Variants in MCM3AP observed in about 807,000 individuals in gnomAD.
The protein encoded by MCM3AP is minichromosome maintenance complex component 3 associated protein, also known as germinal-center associated nuclear protein.
In MCM3AP, 126 loss-of-function variants were observed where a neutral mutation model predicts 184.1. The observed-to-expected ratio is 0.68, with a 90% confidence interval of 0.59 to 0.79. The LOEUF (loss-of-function observed/expected upper bound fraction) is 0.79. Ranked by LOEUF, MCM3AP falls within the 30% of genes least tolerant of loss-of-function variation. The pLI, the probability that MCM3AP is intolerant of heterozygous loss-of-function variation, is 0.00. For synonymous variants in MCM3AP, 1,002 were observed against 979.3 expected, an observed-to-expected ratio of 1.02 and a Z score of -0.43; for missense variants, 2,496 against 2,479.2, an observed-to-expected ratio of 1.01 and a Z score of -0.14.
Position 46,244,677 on chromosome 21 carries a change from G to A in MCM3AP, c.5038+130C>T. The A allele has an allele frequency of 1.0e-5, 10 of 971,466 alleles. No individual in the cohort carries two copies. In the South Asian group the frequency reaches 1.5e-4, roughly 14 times the overall value. The allele number at this position is 971,466 out of a possible 1,614,324, so 60.2% of individuals were successfully genotyped here. A position where few individuals can be genotyped will look rare whatever the true frequency, so the allele number is the denominator to read the frequency against. The stretch of plus-strand genomic sequence containing the variant: ...GGAAGGTGCAGGCGAGCACAGCATG[G>A]AGACACACGGAGGTGGACGTGCAGC... On this transcript the variant is annotated intron_variant, in intron 23 of 27. Transcript: ENST00000291688.
intron 26 of MCM3AP, among the ~76,000 whole-genome samples, chr21:46,238,386 T>C (rs1388866108): frequency 8.3e-6 from 1 of 119,954 alleles, no homozygotes; most frequent in Non-Finnish European, 1.8e-5. Context: ...TCTAGAGCTG[T>C]CTACTTCCAT....
Position 46,284,375 on chromosome 21 carries a change from A to C in MCM3AP, c.912T>G (p.His304Gln), listed in dbSNP as rs1601552893. 1 of 1,614,156 alleles carries C rather than the reference A, an allele frequency of 6.2e-7. No individual in the cohort carries two copies. Among genetic ancestry groups the C allele is most frequent in the Non-Finnish European group, 8.5e-7 (1 of 1,180,024 alleles). Residue 304 changes from histidine (H) to glutamine (Q), a missense_variant, in exon 1 of 28, where the codon CAT (histidine) becomes CAG (glutamine). His to Gln is a conservative substitution (Grantham distance 24, BLOSUM62 0). Coordinates refer to ENST00000291688, the MANE Select transcript of MCM3AP (RefSeq NM_003906.5). ...KEDQDRSPRR[H>Q]GHEPAEDSDP... is the part of the protein sequence containing the mutation. Reference sequence around the variant, plus strand: ...CCGAATCTTCTGCTGGCTCGTGGCCATGTCTCCTTGGGGAGCGATCCTGGT... The same window carrying C: ...CCGAATCTTCTGCTGGCTCGTGGCCCTGTCTCCTTGGGGAGCGATCCTGGT...
chr21:46,270,466 A>G lies in MCM3AP; in HGVS notation c.2563T>C (p.Phe855Leu), dbSNP rs2145689881. Reference sequence around the variant, plus strand: ...GAAGCTGACTGGACCAGTTTGAAAAATCTCACAAAATTATTACTGTTCAAT... The same window carrying G: ...GAAGCTGACTGGACCAGTTTGAAAAGTCTCACAAAATTATTACTGTTCAAT... The part of the protein sequence containing the change: ...AALNSNNFVR[F>L]FKLVQSASYL... The change falls in exon 9 of 28, where the codon TTT becomes CTT. Residue 855 changes from phenylalanine (F) to leucine (L), a missense_variant. By Grantham distance (22) the Phe-to-Leu change is conservative. Transcript: ENST00000291688. The G allele has an allele frequency of 6.2e-7, 1 of 1,614,008 alleles. No individual in the cohort carries two copies. The highest frequency in any genetic ancestry group is 8.5e-7 in the Non-Finnish European group (1 of 1,179,966).
chr21:46,276,127 C>G (rs1166013564), intron 5 of MCM3AP, among the ~76,000 whole-genome samples: 1 of 151,986 alleles, frequency 6.6e-6, no homozygotes, highest in Non-Finnish European at 1.5e-5. Context: ...TGGCGCATGG[C>G]TGTAGTCCCA....
intron 26 of MCM3AP, 92 bp downstream of exon 26, chr21:46,240,719 T>C: frequency 8.7e-7 from 1 of 1,150,254 alleles, no homozygotes; most frequent in South Asian, 1.5e-5. Flanking sequence ...TTCTCCATCC[T>C]GGCTGTCTTA....
intron 4 of MCM3AP, among the ~76,000 whole-genome samples, chr21:46,279,096 G>A (rs576437299): frequency 8.8e-4 from 132 of 150,320 alleles, no homozygotes; most frequent in Middle Eastern, 3.5e-3. Flanking sequence ...GACCAGCCTG[G>A]CCAACATGGT....
intron 18 of MCM3AP, 22 bp from the exon 19 acceptor site, chr21:46,254,548 G>A: frequency 6.2e-7 from 1 of 1,613,650 alleles, no homozygotes; most frequent in South Asian, 1.1e-5. Context: ...AGACCACCGT[G>A]GATTAGCCAG....
rs531603987 is a variant in MCM3AP at position 46,279,939 on chromosome 21, G to A, written c.1667+54C>T. The A allele has an allele frequency of 4.2e-4, 647 of 1,551,688 alleles. 15 individuals are homozygous for A. In the South Asian group the frequency reaches 7.4e-3, roughly 18 times the overall value. On this transcript the variant is annotated intron_variant, in intron 4 of 27. Transcript: ENST00000291688. ...CACCCTGACTCAGGTGTCGCTATAG[G>A]GCGCTATTTCCTGGTCCTTCCGGAA...
chr21:46,245,571 G>A (rs2080752685), intron 22 of MCM3AP, among the ~76,000 whole-genome samples: 2 of 152,166 alleles, frequency 1.3e-5, no homozygotes, highest in Admixed American at 6.5e-5. Flanking sequence ...TATGTGCCAA[G>A]GTGCCTTCAC....
At position 46,244,806 on chromosome 21, in the gene MCM3AP, C is replaced by G; in HGVS notation, c.5038+1G>C. 2.5e-6 allele frequency: 4 copies of G among 1,606,564 alleles called. No homozygotes were observed. Among genetic ancestry groups the G allele is most frequent in the Non-Finnish European group, 2.6e-6 (3 of 1,175,530 alleles). ...CAGACCTCCCCAGGTCAAGCACGTA[C>G]CCCCCAGGGGTGGAAGGTCCATCTG... On this transcript the variant is annotated splice_donor_variant, in intron 23 of 27. Transcript: ENST00000291688. LOFTEE classifies it high-confidence loss of function.
intron 17 of MCM3AP, among the ~76,000 whole-genome samples, chr21:46,255,279 T>C (rs186733644): frequency 1.3e-5 from 2 of 152,190 alleles, no homozygotes; most frequent in Admixed American, 1.3e-4. Flanking sequence ...AGGGCATGGC[T>C]ATGCCAGGCC....
chr21:46,243,741 A>G lies in MCM3AP; in HGVS notation c.5039-19T>C, dbSNP rs778841867. 10 of 1,612,258 alleles carry G rather than the reference A, an allele frequency of 6.2e-6. No homozygotes were observed. The South Asian group carries it at 1.1e-4, about 18-fold the overall frequency. On this transcript the variant is annotated intron_variant, in intron 23 of 27. Coordinates refer to ENST00000291688, the MANE Select transcript of MCM3AP (RefSeq NM_003906.5). Reference sequence around the variant, plus strand: ...CAGGGGGCTGGGGAGAAAGTGCCTCATTAGTTACAGGTTTGGCCAAAATAC... The same window carrying G: ...CAGGGGGCTGGGGAGAAAGTGCCTCGTTAGTTACAGGTTTGGCCAAAATAC...
intron 19 of MCM3AP, chr21:46,254,058 C>A: frequency 3.0e-6 from 1 of 328,112 alleles, no homozygotes; most frequent in East Asian, 7.0e-5. Flanking sequence ...AGCCTTCCAC[C>A]ATGATTGTGG....
chr21:46,254,050 C>T (rs1307007565), intron 19 of MCM3AP: 5 of 319,718 alleles, frequency 1.6e-5, no homozygotes, highest in Non-Finnish European at 1.8e-5. Context: ...CTCCCCTTAG[C>T]CTTCCACCAT....
At position 46,238,128 on chromosome 21, in the gene MCM3AP, C is replaced by T. The variant is rs1370430691; in HGVS notation, c.5634-1149G>A. 2.8e-4 allele frequency among the ~76,000 whole-genome samples: 32 copies of T among 115,284 alleles called. 8 individuals carry two copies. The Admixed American group carries it at 2.8e-3, about 10-fold the overall frequency. 75.6% of individuals were successfully genotyped at this position (115,284 alleles called of 152,430 possible). On this transcript the variant is annotated intron_variant, in intron 26 of 27. Transcript: ENST00000291688. ...AAAAAAAAAAAAAAAATTAGAGAAA[C>T]CACTTCCCTTTAATTTATAAATCCA...
intron 9 of MCM3AP, 66 bp from the exon 10 acceptor site, chr21:46,267,208 C>G: frequency 6.6e-7 from 1 of 1,507,738 alleles, no homozygotes. Context: ...GCAGTCAGCC[C>G]ATGACCACAG....
chr21:46,284,656 T>C lies in MCM3AP; in HGVS notation c.631A>G (p.Lys211Glu). The C allele has an allele frequency of 6.2e-7, 1 of 1,614,156 alleles. No homozygotes were observed. The highest frequency in any genetic ancestry group is 1.1e-5 in the South Asian group (1 of 91,076). Reference sequence around the variant, plus strand: ...AATGAATTATTACTACTAACAGGTTTTGAAAAGGTAAAATTTGAAGTGGTA... The same window carrying C: ...AATGAATTATTACTACTAACAGGTTCTGAAAAGGTAAAATTTGAAGTGGTA... Reference protein sequence around the residue: ...SATTSNFTFSKPVSSNNSLSA... With the variant: ...SATTSNFTFSEPVSSNNSLSA... The change falls in exon 1 of 28, where the codon AAA becomes GAA. Residue 211 changes from lysine to glutamate, a missense_variant. Physicochemically the swap from Lys to Glu is moderately conservative, Grantham distance 56. This residue lies in a region of MCM3AP where 800 missense variants were observed against 717.1 expected (regional missense o/e 1.12). Coordinates refer to ENST00000291688, the MANE Select transcript of MCM3AP (RefSeq NM_003906.5).
At chr21:46,270,999 A>G (rs966614730) in intron 8 of MCM3AP, among the ~76,000 whole-genome samples, 8 of 152,264 alleles carry the variant, frequency 5.3e-5, no homozygotes, top group African/African-American at 1.9e-4. Context: ...ACTTTAAAGT[A>G]ATGCCAATGG....
In MCM3AP at chr21:46,260,912, GGGAAGAGAAA is replaced by G; in HGVS notation, c.3468-16_3468-7del. ...GCTCTCTCTCTTGTTTCAACCTACA[GGGAAGAGAAA>G]AAATACACAAGGGTAATGTTTAAGA... is the stretch of plus-strand genomic sequence containing the variant. On this transcript the variant is annotated splice_region_variant and splice_polypyrimidine_tract_variant and intron_variant, in intron 14 of 27. Transcript: ENST00000291688. 1 of 1,592,962 alleles carries G rather than the reference GGGAAGAGAAA, an allele frequency of 6.3e-7. No individual in the cohort carries two copies. Among genetic ancestry groups the G allele is most frequent in the East Asian group, 2.2e-5 (1 of 44,748 alleles).
Sources: allele counts gnomAD v4.1 joint callset (sites outside exome capture counted in the v4.1 genomes callset), GRCh38; gene constraint gnomAD v4.1.1; regional missense constraint gnomAD v4.1.1; transcripts MANE v1.5; gene names NCBI Gene and HGNC (gene_info 2026-07-23, HGNC 2026-07-21).